EBF3: variants seen among roughly 807,000 people sequenced by gnomAD.
EBF3 encodes EBF transcription factor 3.
In EBF3, 18 loss-of-function variants were observed where a neutral mutation model predicts 77.1. The observed-to-expected ratio is 0.23, with a 90% CI of 0.16 to 0.35. EBF3 has a LOEUF of 0.35. Among genes scored for constraint, EBF3 ranks in the 10% least tolerant of loss-of-function variants. The pLI is 1.00. For missense variants in EBF3, 558 were observed against 860.0 expected, an observed-to-expected ratio of 0.65 and a Z score of 4.39; for synonymous variants, 350 against 343.5, an observed-to-expected ratio of 1.02 and a Z score of -0.21.
chr10:129,928,905 ATCTT>A (rs757736440), intron 6 of EBF3, among the ~76,000 whole-genome samples: 4 of 152,116 alleles, frequency 2.6e-5, no homozygotes, highest in Non-Finnish European at 5.9e-5. Flanking sequence ...ACTTTTCCAT[ATCTT>A]TCATTCATTT....
Position 129,842,380 on chromosome 10 carries a change from C to G in EBF3, c.1195-87G>C. ...CTCGGGGGCCCACCATGGTGGCATC[C>G]CACTGTCCCTTGCCCAGACCATGAC... On this transcript the variant is annotated intron_variant, in intron 12 of 16. Transcript: ENST00000440978. This position sits in a 1 kb window ranked among gnomAD's most constrained non-coding sequence, Gnocchi z 4.4. 13 of 1,457,560 alleles carry G rather than the reference C, an allele frequency of 8.9e-6. No homozygotes were observed. Among genetic ancestry groups the G allele is most frequent in the Non-Finnish European group, 1.2e-5 (13 of 1,089,750 alleles). 90.3% of individuals were successfully genotyped at this position (1,457,560 alleles called of 1,614,324 possible). A position where few individuals can be genotyped will look rare whatever the true frequency, so the allele number is the denominator to read the frequency against.
In EBF3 at chr10:129,943,678, T is replaced by G. The variant is rs77561968; in HGVS notation, c.554+13580A>C. Among the ~76,000 whole-genome samples, 2 of 135,580 alleles carry G rather than the reference T, an allele frequency of 1.5e-5. No homozygotes were observed. Among genetic ancestry groups the G allele is most frequent in the African/African-American group, 6.6e-5 (2 of 30,488 alleles). The allele number at this position is 135,580 out of a possible 152,430, so 88.9% of individuals were successfully genotyped here. A position where few individuals can be genotyped will look rare whatever the true frequency, so the allele number is the denominator to read the frequency against. On this transcript the variant is annotated intron_variant, in intron 6 of 16. Transcript: ENST00000440978. This position sits in a 1 kb window ranked among gnomAD's most constrained non-coding sequence, Gnocchi z 8.8. ...TTCCTCATTTATTTTCCTTCAGACA[T>G]TTTTTTTTTACCTCTGCTATGAATT...
intron 10 of EBF3, among the ~76,000 whole-genome samples, chr10:129,855,472 T>C (rs76456153): frequency 0.11 from 17,385 of 152,242 alleles, 1,502 homozygotes; most frequent in African/African-American, 0.23. Flanking sequence ...ATCTACCCAG[T>C]CCAGCCCTGC....
At chr10:129,881,688 G>A (rs1225984998) in intron 6 of EBF3, among the ~76,000 whole-genome samples, 1 of 152,224 alleles carries the variant, frequency 6.6e-6, no homozygotes, top group Non-Finnish European at 1.5e-5. Flanking sequence ...AGGCTGAGTT[G>A]TGGGAGGTTC....
At chr10:129,959,066 T>C in intron 4 of EBF3, 59 bp from the exon 5 acceptor site, 2 of 1,587,538 alleles carry the variant, frequency 1.3e-6, no homozygotes, top group Non-Finnish European at 1.7e-6. Context: ...TGGCGCCAAA[T>C]CGCCCCGGGC....
At chr10:129,886,368 G>A (rs1457231942) in intron 6 of EBF3, among the ~76,000 whole-genome samples, 4 of 152,084 alleles carry the variant, frequency 2.6e-5, no homozygotes, top group African/African-American at 9.7e-5. Flanking sequence ...CTTAATGAGG[G>A]GCACATGTGT....
chr10:129,931,359 C>G (rs1857015346), intron 6 of EBF3, among the ~76,000 whole-genome samples: 1 of 152,194 alleles, frequency 6.6e-6, no homozygotes. Context: ...CATCTTGGTA[C>G]CATCCCCTCA....
At chr10:129,927,419 A>T (rs1046585154) in intron 6 of EBF3, among the ~76,000 whole-genome samples, 1 of 152,226 alleles carries the variant, frequency 6.6e-6, no homozygotes, top group African/African-American at 2.4e-5. Context: ...TAATCAATTC[A>T]ACCATAATCT....
At chr10:129,910,968 CA>C (rs1855487639) in intron 6 of EBF3, among the ~76,000 whole-genome samples, 1 of 152,220 alleles carries the variant, frequency 6.6e-6, no homozygotes, top group African/African-American at 2.4e-5. Context: ...GATTTACCCA[CA>C]CAGAGCTCAG....
chr10:129,871,884 T>G (rs1852430404), intron 8 of EBF3, among the ~76,000 whole-genome samples: 1 of 152,212 alleles, frequency 6.6e-6, no homozygotes, highest in Admixed American at 6.5e-5. Flanking sequence ...AGGAACTGAC[T>G]TGGTTTAAAT....
intron 6 of EBF3, among the ~76,000 whole-genome samples, chr10:129,946,452 C>T (rs1048276317): frequency 2.6e-5 from 4 of 152,276 alleles, no homozygotes; most frequent in East Asian, 1.9e-4. Flanking sequence ...TGCTGCTGAC[C>T]GCAGGACTCG....
intron 6 of EBF3, among the ~76,000 whole-genome samples, chr10:129,910,907 C>T (rs1465725107): frequency 2.0e-5 from 3 of 152,212 alleles, no homozygotes; most frequent in Non-Finnish European, 2.9e-5. Flanking sequence ...GGCATATCCA[C>T]TCCTGGGGCA....
In EBF3 at chr10:129,963,333, A is replaced by AAGAGAG; in HGVS notation, c.291+28_291+33dup. The AAGAGAG allele has an allele frequency of 1.3e-6, 2 of 1,555,898 alleles. No homozygotes were observed. The highest frequency in any genetic ancestry group is 1.7e-6 in the Non-Finnish European group (2 of 1,153,342). On this transcript the variant is annotated intron_variant, in intron 2 of 16. Transcript: ENST00000440978. This position sits in a 1 kb window ranked among gnomAD's most constrained non-coding sequence, Gnocchi z 7.1. ...GCACCGCCTGCCTCCCGCTTCTAGA[A>AAGAGAG]AGAGAGAGGGTGTGATCGTGTGTTT...
intron 10 of EBF3, among the ~76,000 whole-genome samples, chr10:129,854,243 G>A (rs7100525): frequency 0.028 from 4,299 of 151,954 alleles, 82 homozygotes; most frequent in East Asian, 0.069. Context: ...TCAGATGCTC[G>A]GGAAATTAAA....
In EBF3 at chr10:129,912,247, G is replaced by A. The variant is rs192704879; in HGVS notation, c.555-34398C>T. 2.6e-5 allele frequency among the ~76,000 whole-genome samples: 4 copies of A among 152,260 alleles called. No individual in the cohort carries two copies. The East Asian group carries it at 7.7e-4, about 29-fold the overall frequency. On this transcript the variant is annotated intron_variant, in intron 6 of 16. Coordinates refer to ENST00000440978, the MANE Select transcript of EBF3 (RefSeq NM_001375380.1). ...AGCTGGACCCCGGAACCCTAGGAAG[G>A]GCCCTGCGGCTCCTCTCCCCACTAT...
At chr10:129,886,253 C>T (rs890420029) in intron 6 of EBF3, among the ~76,000 whole-genome samples, 1 of 152,188 alleles carries the variant, frequency 6.6e-6, no homozygotes, top group Non-Finnish European at 1.5e-5. Context: ...CTATGCGGCT[C>T]TCTAGCCTTT....
rs547942844 is a variant in EBF3, at chr10:129,921,501, G to T, written c.554+35757C>A. Among the ~76,000 whole-genome samples the T allele has an allele frequency of 6.5e-4, 99 of 152,316 alleles. No homozygotes were observed. In the Middle Eastern group the frequency reaches 0.017, roughly 26 times the overall value. On this transcript the variant is annotated intron_variant, in intron 6 of 16. Transcript: ENST00000440978. ...CGACCATGGGGCCTCACCGATCCCT[G>T]TGGAGGTTTGGCCCCAGGCCCAAGG...
At chr10:129,925,557 A>G (rs1856609489) in intron 6 of EBF3, among the ~76,000 whole-genome samples, 1 of 148,938 alleles carries the variant, frequency 6.7e-6, no homozygotes, top group African/African-American at 2.5e-5. Flanking sequence ...GTACCACTGC[A>G]CTCCAGCCTG....
intron 4 of EBF3, among the ~76,000 whole-genome samples, chr10:129,959,335 A>G (rs1431957456): frequency 6.6e-6 from 1 of 151,462 alleles, no homozygotes; most frequent in Non-Finnish European, 1.5e-5. Flanking sequence ...GCAAGGAGCG[A>G]GAGCCCGCTG....
Sources: gnomAD v4.1 joint callset for allele counts (sites outside exome capture counted in the v4.1 genomes callset) on GRCh38, gnomAD v4.1.1 for gene constraint, Gnocchi (gnomAD v3.1) non-coding constraint, MANE v1.5 for transcripts, NCBI Gene and HGNC (gene_info 2026-07-23, HGNC 2026-07-21) for gene names.